Variants in CBFA2T2 observed in about 807,000 individuals in gnomAD.
CBFA2T2 encodes CBFA2/RUNX1 partner transcriptional co-repressor 2.
Under a neutral mutation model 62.2 loss-of-function variants are expected in CBFA2T2, and 11 were observed. That is an observed-to-expected ratio of 0.18 (90% CI 0.11 to 0.29). The LOEUF (loss-of-function observed/expected upper bound fraction) is 0.29, where lower values mean the gene tolerates loss of function less well. CBFA2T2 is among the 10% of genes least tolerant of loss of function. The pLI is 1.00. For synonymous variants in CBFA2T2, 295 were observed against 287.5 expected (o/e 1.03, Z -0.27); for missense variants, 592 against 774.1 (o/e 0.76, Z 2.79).
Position 33,583,439 on chromosome 20 carries a change from C to A in CBFA2T2, c.35-23517C>A, listed in dbSNP as rs74754865. On this transcript the variant is annotated intron_variant, in intron 1 of 10. Coordinates refer to ENST00000342704, the MANE Select transcript of CBFA2T2 (RefSeq NM_001032999.3). The stretch of plus-strand genomic sequence containing the variant: ...TATAGTTTAAAGTTCTTTGACTAAT[C>A]GTTAACCTTATTTGGGGAGATGAAA... Among the ~76,000 whole-genome samples, 354 of 152,208 alleles carry A rather than the reference C, an allele frequency of 2.3e-3. 11 individuals are homozygous for A. In the East Asian group the frequency reaches 0.061, roughly 26 times the overall value.
chr20:33,501,444 A>G (rs547328412), intron 1 of CBFA2T2, among the ~76,000 whole-genome samples: 1 of 152,054 alleles, frequency 6.6e-6, no homozygotes, highest in Non-Finnish European at 1.5e-5. Flanking sequence ...CACTAACTTT[A>G]TGTCTGGGAC....
chr20:33,568,626 C>T (rs994298035), intron 1 of CBFA2T2, among the ~76,000 whole-genome samples: 1 of 152,170 alleles, frequency 6.6e-6, no homozygotes, highest in Non-Finnish European at 1.5e-5. Context: ...GGTCTCTCTT[C>T]ATCCGGCCTC....
At chr20:33,572,957 A>G (rs2013637115) in intron 1 of CBFA2T2, among the ~76,000 whole-genome samples, 1 of 152,262 alleles carries the variant, frequency 6.6e-6, no homozygotes, top group Non-Finnish European at 1.5e-5. Flanking sequence ...GGCAGTGAAT[A>G]TAGTAGAGGA....
intron 10 of CBFA2T2, 39 bp from the exon 11 acceptor site, chr20:33,644,308 C>T: frequency 6.3e-7 from 1 of 1,582,264 alleles, no homozygotes; most frequent in Non-Finnish European, 8.6e-7. Flanking sequence ...GCCTGCCCCT[C>T]AATCCCAGCA....
chr20:33,583,845 T>G (rs2014229824), intron 1 of CBFA2T2, among the ~76,000 whole-genome samples: 1 of 152,242 alleles, frequency 6.6e-6, no homozygotes, highest in African/African-American at 2.4e-5. Context: ...TGCCACACTG[T>G]GAACTTGCTG....
intron 1 of CBFA2T2, among the ~76,000 whole-genome samples, chr20:33,548,629 T>G: frequency 6.6e-6 from 1 of 152,138 alleles, no homozygotes; most frequent in Non-Finnish European, 1.5e-5. Context: ...AAACTCATAT[T>G]TTAGGCTTTT....
Position 33,526,724 on chromosome 20 carries a change from A to C in CBFA2T2, c.34+36423A>C, listed in dbSNP as rs114932880. On this transcript the variant is annotated intron_variant, in intron 1 of 10. Coordinates refer to ENST00000342704, the MANE Select transcript of CBFA2T2 (RefSeq NM_001032999.3). ...ACTCCAATCTTGTTCAGCAAGGCCA[A>C]ATTTTCAAAAAAAAAAATGTAGATT... Among the ~76,000 whole-genome samples the C allele has an allele frequency of 8.2e-3, 1,166 of 142,712 alleles. 9 individuals carry two copies. Among genetic ancestry groups the C allele is most frequent in the African/African-American group, 0.027 (1,091 of 39,928 alleles). 93.6% of individuals were successfully genotyped at this position (142,712 alleles called of 152,430 possible).
At chr20:33,584,785 C>T (rs1228892773) in intron 1 of CBFA2T2, among the ~76,000 whole-genome samples, 3 of 152,122 alleles carry the variant, frequency 2.0e-5, no homozygotes, top group Non-Finnish European at 2.9e-5. Flanking sequence ...CAGAGGCAGA[C>T]TTAATTGCTT....
chr20:33,643,582 C>G (rs371396984), intron 10 of CBFA2T2, among the ~76,000 whole-genome samples: 1 of 151,094 alleles, frequency 6.6e-6, no homozygotes, highest in Non-Finnish European at 1.5e-5. Context: ...GCAGCAGCAG[C>G]CTTCGTTGAG....
intron 1 of CBFA2T2, among the ~76,000 whole-genome samples, chr20:33,587,558 G>T (rs569667165): frequency 6.6e-6 from 1 of 152,052 alleles, no homozygotes; most frequent in Non-Finnish European, 1.5e-5. Flanking sequence ...GAGCCACCGC[G>T]TCTGGCCAAT....
chr20:33,623,703 T>C (rs1290497255), intron 5 of CBFA2T2: 4 of 667,420 alleles, frequency 6.0e-6, no homozygotes, highest in African/African-American at 1.8e-5. Flanking sequence ...ATTATATGGA[T>C]GTGAGCCACC....
At chr20:33,564,025 T>C (rs2013188242) in intron 1 of CBFA2T2, among the ~76,000 whole-genome samples, 3 of 152,244 alleles carry the variant, frequency 2.0e-5, no homozygotes, top group South Asian at 2.1e-4. Context: ...GTTGAAATTG[T>C]TCCCCCCACT....
chr20:33,517,576 A>G (rs1405288769), intron 1 of CBFA2T2, among the ~76,000 whole-genome samples: 1 of 151,066 alleles, frequency 6.6e-6, no homozygotes, highest in Non-Finnish European at 1.5e-5. Context: ...CAGCCTCTTG[A>G]GTAGCTGGGA....
intron 8 of CBFA2T2, among the ~76,000 whole-genome samples, chr20:33,635,622 C>G (rs564927182): frequency 4.6e-5 from 7 of 152,308 alleles, no homozygotes; most frequent in Admixed American, 4.6e-4. Flanking sequence ...AATCCTAGCT[C>G]TTTGGGAGAC....
At chr20:33,492,071 A>T (rs2011150619) in intron 1 of CBFA2T2, among the ~76,000 whole-genome samples, 1 of 151,962 alleles carries the variant, frequency 6.6e-6, no homozygotes, top group African/African-American at 2.4e-5. Flanking sequence ...TTTAGTAGAG[A>T]CGGTTTTACC....
chr20:33,629,841 A>G lies in CBFA2T2; in HGVS notation c.1155A>G (p.Thr385=), dbSNP rs771130983. Residue 385 remains threonine (T), a synonymous_variant, in exon 8 of 11, where the codon ACA becomes ACG. Transcript: ENST00000342704. ...NYWKRRYNEN[T]ELRKTGTELV... is the part of the protein sequence containing the mutation. ...GGAAAAGACGGTACAATGAAAACAC[A>G]GAGCTGAGGAAAACGGGGACCGAGT... is the stretch of plus-strand genomic sequence containing the variant. The G allele has an allele frequency of 6.2e-7, 1 of 1,614,196 alleles. No homozygotes were observed. The highest frequency in any genetic ancestry group is 1.1e-5 in the South Asian group (1 of 91,090).
chr20:33,557,204 G>A (rs972844565), intron 1 of CBFA2T2, among the ~76,000 whole-genome samples: 5 of 151,518 alleles, frequency 3.3e-5, no homozygotes, highest in Admixed American at 6.6e-5. Context: ...TAGTAGAGAC[G>A]GGTTTTCACC....
At chr20:33,580,968 A>G (rs1795833676) in intron 1 of CBFA2T2, among the ~76,000 whole-genome samples, 3 of 152,158 alleles carry the variant, frequency 2.0e-5, no homozygotes, top group Non-Finnish European at 2.9e-5. Flanking sequence ...AAGCCATAGC[A>G]TGAGTATTGG....
rs139560885 is a variant in CBFA2T2 at position 33,518,191 on chromosome 20, G to A, written c.34+27890G>A. Among the ~76,000 whole-genome samples, 645 of 151,360 alleles carry A rather than the reference G, an allele frequency of 4.3e-3. 4 individuals are homozygous for A. Among genetic ancestry groups the A allele is most frequent in the African/African-American group, 0.014 (597 of 41,206 alleles). ...TTTCGGTCTCCTGACCTCATGATCC[G>A]CCTGCCTTGCCTCCCGAAGTGCTGG... On this transcript the variant is annotated intron_variant, in intron 1 of 10. Coordinates refer to ENST00000342704, the MANE Select transcript of CBFA2T2 (RefSeq NM_001032999.3).
Sources: gnomAD v4.1 joint callset for allele counts (sites outside exome capture counted in the v4.1 genomes callset) on GRCh38, gnomAD v4.1.1 for gene constraint, MANE v1.5 for transcripts, NCBI Gene and HGNC (gene_info 2026-07-23, HGNC 2026-07-21) for gene names.